The following CD247 variants were observed in gnomAD, a reference collection of about 807,000 sequenced individuals.
CD247 encodes the protein T-cell surface glycoprotein CD3 zeta chain.
CD247 carries 13 observed loss-of-function variants against 30.0 expected under a neutral mutation model. The ratio of observed to expected loss-of-function variants is 0.43; its 90% CI spans 0.28 to 0.69. The LOEUF (loss-of-function observed/expected upper bound fraction) is 0.69, where lower values mean the gene tolerates loss of function less well. Among genes scored for constraint, CD247 ranks in the 30% least tolerant of loss-of-function variants. CD247 has a pLI of 0.16. For synonymous variants in CD247, 72 were observed against 80.0 expected, an observed-to-expected ratio of 0.90 and a Z score of 0.53; for missense variants, 193 against 212.6, an observed-to-expected ratio of 0.91 and a Z score of 0.57.
At chr1:167,438,476 T>C in intron 4 of CD247, 94 bp downstream of exon 4, 1 of 969,066 alleles carries the variant, frequency 1.0e-6, no homozygotes, top group Non-Finnish European at 1.7e-6. Flanking sequence ...GGGTCGAGTC[T>C]GGTTGCAGAG....
intron 1 of CD247, among the ~76,000 whole-genome samples, chr1:167,479,888 G>T (rs1416591212): frequency 6.6e-6 from 1 of 152,164 alleles, no homozygotes; most frequent in East Asian, 1.9e-4. Flanking sequence ...ATTCTTTACT[G>T]CTTCGTGCCT....
intron 4 of CD247, among the ~76,000 whole-genome samples, chr1:167,436,961 C>A (rs988320747): frequency 1.1e-4 from 17 of 152,216 alleles, no homozygotes; most frequent in African/African-American, 3.4e-4. Flanking sequence ...TATGACCCAA[C>A]AATCCCGCTT....
Position 167,434,076 on chromosome 1 carries a change from C to T in CD247, c.337G>A (p.Glu113Lys). ...TCCGCCATCTTATCTTTCTGCAGTTCCTGCAGAAGAGGGCGTGGAACACTG... is the reference window on the plus strand; with the variant it reads ...TCCGCCATCTTATCTTTCTGCAGTTTCTGCAGAAGAGGGCGTGGAACACTG... ...RKNPQEGLYNELQKDKMAEAY... is the reference protein window; with the variant it reads ...RKNPQEGLYNKLQKDKMAEAY... Residue 113 changes from glutamate (E) to lysine (K), a missense_variant and splice_region_variant, in exon 6 of 8, where the codon GAA (glutamate) becomes AAA (lysine). By Grantham distance (56) the Glu-to-Lys change is moderately conservative. Transcript: ENST00000362089. 6.2e-7 allele frequency: 1 copy of T among 1,613,228 alleles called. No homozygotes were observed. Among genetic ancestry groups the T allele is most frequent in the Non-Finnish European group, 8.5e-7 (1 of 1,179,118 alleles).
Position 167,493,919 on chromosome 1 carries a change from A to G in CD247, c.58+24489T>C, listed in dbSNP as rs368818809. ...ATGTGCCCTGGTCAGGCACAGAATC[A>G]GCAAAAACCCCACTGGAGACCCAAA... On this transcript the variant is annotated intron_variant, in intron 1 of 7. Coordinates refer to ENST00000362089, the MANE Select transcript of CD247 (RefSeq NM_198053.3). Among the ~76,000 whole-genome samples, 18 of 152,302 alleles carry G rather than the reference A, an allele frequency of 1.2e-4. No individual in the cohort carries two copies. The South Asian group carries it at 3.3e-3, about 28-fold the overall frequency.
chr1:167,514,875 CACAAG>C (rs1351604501), intron 1 of CD247, among the ~76,000 whole-genome samples: 1 of 152,104 alleles, frequency 6.6e-6, no homozygotes, highest in Non-Finnish European at 1.5e-5. Context: ...CTAAGTAAAG[CACAAG>C]ACACAATGCT....
chr1:167,491,857 T>C (rs1654464371), intron 1 of CD247, among the ~76,000 whole-genome samples: 1 of 152,180 alleles, frequency 6.6e-6, no homozygotes, highest in Admixed American at 6.5e-5. Context: ...CTAAGTGAAA[T>C]AAGCCAGACA....
chr1:167,472,341 C>T (rs181895147), intron 1 of CD247, among the ~76,000 whole-genome samples: 2 of 152,098 alleles, frequency 1.3e-5, no homozygotes, highest in East Asian at 1.9e-4. Context: ...CTTGGGGGTA[C>T]TATTTTCAAT....
intron 1 of CD247, among the ~76,000 whole-genome samples, chr1:167,473,595 G>A (rs560960028): frequency 5.9e-5 from 9 of 152,308 alleles, no homozygotes; most frequent in East Asian, 5.8e-4. Context: ...TGGGGAGTTC[G>A]TGCAGAACTG....
intron 1 of CD247, among the ~76,000 whole-genome samples, chr1:167,506,680 T>A (rs1655152527): frequency 6.6e-6 from 1 of 152,094 alleles, no homozygotes; most frequent in Non-Finnish European, 1.5e-5. Context: ...CACAGGCCAC[T>A]TCTGACTACA....
At position 167,518,459 on chromosome 1, in the gene CD247, A is replaced by T; in HGVS notation, c.7T>A (p.Trp3Arg). ...ATGGCCGCGGTGAAAAGCGCCTTCC[A>T]CTTCATCTTGTCCTTTCCCTCAGAA... The part of the protein sequence containing the change: MK[W>R]KALFTAAILQ... The change falls in exon 1 of 8, where the codon TGG becomes AGG. Residue 3 changes from tryptophan (W) to arginine (R), a missense_variant. Trp to Arg is a moderately radical substitution (Grantham distance 101, BLOSUM62 -3). Coordinates refer to ENST00000362089, the MANE Select transcript of CD247 (RefSeq NM_198053.3). 1.2e-6 allele frequency: 2 copies of T among 1,614,010 alleles called. No homozygotes were observed. Among genetic ancestry groups the T allele is most frequent in the Non-Finnish European group, 1.7e-6 (2 of 1,179,986 alleles).
intron 6 of CD247, among the ~76,000 whole-genome samples, chr1:167,433,489 C>G (rs1651373215): frequency 6.6e-6 from 1 of 152,202 alleles, no homozygotes; most frequent in South Asian, 2.1e-4. Flanking sequence ...GCTAGAAGAC[C>G]TTGGGTAAGT....
chr1:167,467,573 T>C (rs2102041515), intron 1 of CD247, among the ~76,000 whole-genome samples: 1 of 152,340 alleles, frequency 6.6e-6, no homozygotes, highest in Admixed American at 6.5e-5. Flanking sequence ...GGCAGGTTGG[T>C]GCAGAGCACA....
intron 1 of CD247, among the ~76,000 whole-genome samples, chr1:167,486,592 C>T (rs1190760550): frequency 2.0e-5 from 3 of 152,246 alleles, no homozygotes; most frequent in Admixed American, 6.5e-5. Flanking sequence ...ATGCCACTGA[C>T]GGCAAGCAGA....
At position 167,434,089 on chromosome 1, in the gene CD247, G is replaced by A; in HGVS notation, c.337-13C>T. On this transcript the variant is annotated splice_polypyrimidine_tract_variant and intron_variant, in intron 5 of 7. Coordinates refer to ENST00000362089, the MANE Select transcript of CD247 (RefSeq NM_198053.3). Reference sequence around the variant, plus strand: ...CTTTCTGCAGTTCCTGCAGAAGAGGGCGTGGAACACTGATTTTTACCAACT... The same window carrying A: ...CTTTCTGCAGTTCCTGCAGAAGAGGACGTGGAACACTGATTTTTACCAACT... 1.9e-5 allele frequency: 30 copies of A among 1,612,916 alleles called. No homozygotes were observed. Among genetic ancestry groups the A allele is most frequent in the Non-Finnish European group, 2.4e-5 (28 of 1,178,856 alleles).
chr1:167,445,172 C>G (rs1313365616), intron 1 of CD247, among the ~76,000 whole-genome samples: 2 of 152,042 alleles, frequency 1.3e-5, no homozygotes, highest in African/African-American at 4.8e-5. Flanking sequence ...GTGATCTGCC[C>G]GCCTCGGCCT....
At chr1:167,442,447 G>A (rs1487297756) in intron 1 of CD247, among the ~76,000 whole-genome samples, 3 of 152,212 alleles carry the variant, frequency 2.0e-5, no homozygotes, top group Non-Finnish European at 4.4e-5. Flanking sequence ...TCTGTCAGCT[G>A]CCTCTTCTGT....
At chr1:167,453,031 T>C (rs1344433640) in intron 1 of CD247, among the ~76,000 whole-genome samples, 1 of 15,838 alleles carries the variant, frequency 6.3e-5, no homozygotes, top group African/African-American at 1.2e-4. Flanking sequence ...ATTATAGATA[T>C]ATATTATATA....
At chr1:167,504,798 A>G (rs1451686468) in intron 1 of CD247, among the ~76,000 whole-genome samples, 2 of 152,252 alleles carry the variant, frequency 1.3e-5, no homozygotes, top group Admixed American at 6.5e-5. Context: ...AAAGCCCTTA[A>G]AAGGAAACCC....
At chr1:167,444,041 G>A (rs116021783) in intron 1 of CD247, among the ~76,000 whole-genome samples, 152 of 152,332 alleles carry the variant, frequency 1.0e-3, no homozygotes, top group African/African-American at 3.6e-3. Context: ...GTGGGTTCGA[G>A]TACTTCTCTT....
Sources: allele counts gnomAD v4.1 joint callset (sites outside exome capture counted in the v4.1 genomes callset), GRCh38; gene constraint gnomAD v4.1.1; transcripts MANE v1.5; gene names NCBI Gene and HGNC (gene_info 2026-07-23, HGNC 2026-07-21).